CD8B2: variants seen among roughly 807,000 people sequenced by gnomAD.
The protein encoded by CD8B2 is T-cell surface glycoprotein CD8 beta-2 chain.
A neutral mutation model predicts 23.7 loss-of-function variants in CD8B2; 11 were observed. The ratio of observed to expected loss-of-function variants is 0.46; its 90% CI spans 0.29 to 0.77. The LOEUF (loss-of-function observed/expected upper bound fraction) is 0.77. Ranked by LOEUF, CD8B2 falls within the 30% of genes least tolerant of loss-of-function variation. CD8B2 has a pLI of 0.09. For synonymous variants in CD8B2, 90 were observed against 109.3 expected, an observed-to-expected ratio of 0.82 and a Z score of 1.10; for missense variants, 197 against 270.5, an observed-to-expected ratio of 0.73 and a Z score of 1.91.
intron 5 of CD8B2, among the ~76,000 whole-genome samples, chr2:106,534,740 CTCCCTG>C (rs1680059695): frequency 2.0e-5 from 3 of 152,170 alleles, no homozygotes; most frequent in Non-Finnish European, 4.4e-5. Context: ...ATTATAAAAG[CTCCCTG>C]GGGAGGTAGG....
chr2:106,516,365 A>C (rs1679729835), intron 5 of CD8B2, among the ~76,000 whole-genome samples: 1 of 152,144 alleles, frequency 6.6e-6, no homozygotes, highest in South Asian at 2.1e-4. Flanking sequence ...TGGGTTTCCG[A>C]GGACATGACA....
chr2:106,520,248 G>A (rs760909514), intron 5 of CD8B2, among the ~76,000 whole-genome samples: 3 of 152,190 alleles, frequency 2.0e-5, no homozygotes, highest in Non-Finnish European at 4.4e-5. Context: ...AATAAAATCT[G>A]TTTTCCTTAG....
At chr2:106,490,635 C>G (rs1197348716) in intron 1 of CD8B2, among the ~76,000 whole-genome samples, 1 of 152,258 alleles carries the variant, frequency 6.6e-6, no homozygotes, top group Non-Finnish European at 1.5e-5. Context: ...AGCTCTCTCC[C>G]CTGTACCTTT....
intron 5 of CD8B2, among the ~76,000 whole-genome samples, chr2:106,506,280 T>G (rs1374137352): frequency 6.6e-6 from 1 of 152,076 alleles, no homozygotes; most frequent in Non-Finnish European, 1.5e-5. Flanking sequence ...GATGCCAGTT[T>G]TGGGGAGGCT....
intron 5 of CD8B2, among the ~76,000 whole-genome samples, chr2:106,530,873 T>C (rs1298096185): frequency 6.6e-6 from 1 of 152,162 alleles, no homozygotes; most frequent in Non-Finnish European, 1.5e-5. Flanking sequence ...CACCAGCTCC[T>C]TGACAGTTTA....
chr2:106,523,833 G>A (rs1679864996), intron 5 of CD8B2, among the ~76,000 whole-genome samples: 1 of 152,180 alleles, frequency 6.6e-6, no homozygotes, highest in South Asian at 2.1e-4. Context: ...TGAGGAAGGT[G>A]TAAGAAGGCA....
At chr2:106,498,208 C>T (rs906714369) in intron 3 of CD8B2, among the ~76,000 whole-genome samples, 4 of 150,868 alleles carry the variant, frequency 2.7e-5, no homozygotes, top group African/African-American at 7.3e-5. Context: ...AGTGCAGTGG[C>T]GTGATCTCAG....
At chr2:106,515,640 A>T (rs1192371734), downstream of CD8B2, among the ~76,000 whole-genome samples, 1 of 152,160 alleles carries the variant, frequency 6.6e-6, no homozygotes, top group Non-Finnish European at 1.5e-5. Flanking sequence ...TGAGAAATAA[A>T]TGTTAAGCCC....
downstream of CD8B2, among the ~76,000 whole-genome samples, chr2:106,512,382 A>G (rs1679648905): frequency 1.3e-5 from 2 of 151,962 alleles, no homozygotes; most frequent in Admixed American, 6.6e-5. Flanking sequence ...TGGCCTTTTC[A>G]TGCATTTTTA....
rs1679524377 is a variant in CD8B2 at position 106,507,105 on chromosome 2, G to A, written c.*165G>A. On this transcript the variant is annotated 3_prime_UTR_variant, in exon 6 of 6. Transcript: ENST00000643224. ...AGGCCTTTCTGTGTGTGACGTGCAT[G>A]GGAGCAACTTGTTTGTGGGTCATCG... 6.7e-6 allele frequency: 10 copies of A among 1,502,368 alleles called. No homozygotes were observed. The South Asian group carries it at 1.3e-4, about 19-fold the overall frequency. The allele number at this position is 1,502,368 out of a possible 1,614,324, so 93.1% of individuals were successfully genotyped here. A position where few individuals can be genotyped will look rare whatever the true frequency, so the allele number is the denominator to read the frequency against.
At chr2:106,512,474 GGT>G (rs370878562), downstream of CD8B2, among the ~76,000 whole-genome samples, 1 of 150,722 alleles carries the variant, frequency 6.6e-6, no homozygotes, top group East Asian at 2.0e-4. Context: ...CTCTTCCTTG[GGT>G]GTGTGTGTGT....
At chr2:106,517,700 G>GTTT (rs1316020730) in intron 5 of CD8B2, among the ~76,000 whole-genome samples, 2 of 136,442 alleles carry the variant, frequency 1.5e-5, no homozygotes, top group African/African-American at 5.4e-5. Flanking sequence ...TATAGCTTCT[G>GTTT]TTTTTTTTTT....
intron 2 of CD8B2, among the ~76,000 whole-genome samples, chr2:106,495,697 G>T (rs1484199904): frequency 1.3e-5 from 2 of 152,158 alleles, no homozygotes; most frequent in Admixed American, 6.5e-5. Context: ...TCAGAAAGCA[G>T]ATCAAACATT....
intron 5 of CD8B2, among the ~76,000 whole-genome samples, chr2:106,533,128 G>T (rs1415708996): frequency 1.3e-5 from 2 of 152,208 alleles, no homozygotes; most frequent in Non-Finnish European, 2.9e-5. Flanking sequence ...CATGCTGGGG[G>T]TCGAGGCAAC....
intron 5 of CD8B2, among the ~76,000 whole-genome samples, chr2:106,505,697 A>G (rs1034721380): frequency 2.0e-5 from 3 of 152,224 alleles, no homozygotes; most frequent in African/African-American, 7.2e-5. Flanking sequence ...TGGCTTAAAC[A>G]TGCCTGCTGG....
chr2:106,534,039 T>G (rs1680049352), intron 5 of CD8B2, among the ~76,000 whole-genome samples: 1 of 152,184 alleles, frequency 6.6e-6, no homozygotes, highest in African/African-American at 2.4e-5. Context: ...CACATGGAAC[T>G]TCATAAAAAC....
intron 5 of CD8B2, among the ~76,000 whole-genome samples, chr2:106,527,905 C>T (rs951318793): frequency 1.3e-5 from 2 of 152,206 alleles, no homozygotes; most frequent in Non-Finnish European, 2.9e-5. Flanking sequence ...TCCTCCACAC[C>T]CCCTCTCTGC....
chr2:106,488,519 G>A (rs920855490), intron 1 of CD8B2, among the ~76,000 whole-genome samples: 2 of 152,130 alleles, frequency 1.3e-5, no homozygotes, highest in African/African-American at 2.4e-5. Flanking sequence ...TACAGGAGTC[G>A]CTTCTGGGTT....
At chr2:106,490,566 G>A (rs1446649675) in intron 1 of CD8B2, among the ~76,000 whole-genome samples, 2 of 152,198 alleles carry the variant, frequency 1.3e-5, no homozygotes, top group African/African-American at 4.8e-5. Context: ...CCAGTTTGAG[G>A]CTTGATTGAG....
Sources: gnomAD v4.1 joint callset for allele counts (sites outside exome capture counted in the v4.1 genomes callset) on GRCh38, gnomAD v4.1.1 for gene constraint, MANE v1.5 for transcripts, NCBI Gene and HGNC (gene_info 2026-07-23, HGNC 2026-07-21) for gene names.